The following KIAA1328 variants were observed in gnomAD, a reference collection of about 807,000 sequenced individuals.
KIAA1328 encodes KIAA1328.
KIAA1328 carries 52 observed loss-of-function variants against 68.1 expected under a neutral mutation model. That is an observed-to-expected ratio of 0.76 (90% CI 0.61 to 0.96). KIAA1328 has a LOEUF of 0.96. Among genes scored for constraint, KIAA1328 ranks in the 40% least tolerant of loss-of-function variants. KIAA1328 has a pLI of 0.00. For missense variants in KIAA1328, 641 were observed against 677.6 expected (o/e 0.95, Z 0.60); for synonymous variants, 232 against 239.4 (o/e 0.97, Z 0.28).
intron 5 of KIAA1328, among the ~76,000 whole-genome samples, chr18:36,889,261 G>A (rs2048601103): frequency 6.6e-6 from 1 of 152,132 alleles, no homozygotes; most frequent in African/African-American, 2.4e-5. Flanking sequence ...TGCTTGGCTG[G>A]ATGAGTATGA....
At chr18:37,158,134 G>A (rs749358526) in intron 7 of KIAA1328, among the ~76,000 whole-genome samples, 7 of 151,860 alleles carry the variant, frequency 4.6e-5, no homozygotes, top group Non-Finnish European at 8.8e-5. Flanking sequence ...CTGGGCTCAA[G>A]CTATCCTGCT....
intron 6 of KIAA1328, among the ~76,000 whole-genome samples, chr18:37,030,207 A>G (rs1344504881): frequency 1.3e-5 from 2 of 150,784 alleles, no homozygotes; most frequent in Admixed American, 6.6e-5. Flanking sequence ...CTTCATTCAT[A>G]TTTTTTTCAG....
At chr18:36,996,578 T>C (rs1477197325) in intron 6 of KIAA1328, among the ~76,000 whole-genome samples, 3 of 152,170 alleles carry the variant, frequency 2.0e-5, no homozygotes, top group Non-Finnish European at 4.4e-5. Flanking sequence ...ATAAACATCT[T>C]ACCATCGTTT....
intron 6 of KIAA1328, among the ~76,000 whole-genome samples, chr18:37,008,409 A>G (rs578088487): frequency 1.3e-5 from 2 of 152,362 alleles, no homozygotes; most frequent in African/African-American, 4.8e-5. Context: ...TGCTAAAACA[A>G]CAACAAAATA....
At chr18:36,888,123 G>T (rs1231765414) in intron 5 of KIAA1328, among the ~76,000 whole-genome samples, 1 of 152,146 alleles carries the variant, frequency 6.6e-6, no homozygotes, top group Non-Finnish European at 1.5e-5. Flanking sequence ...ATGATACCTA[G>T]GTGATTGCAG....
intron 6 of KIAA1328, among the ~76,000 whole-genome samples, chr18:37,010,327 C>T (rs1196630813): frequency 1.3e-5 from 2 of 151,094 alleles, no homozygotes; most frequent in Non-Finnish European, 2.9e-5. Flanking sequence ...CCTGTAGTCC[C>T]AGCTACTCGG....
intron 7 of KIAA1328, among the ~76,000 whole-genome samples, chr18:37,133,660 G>A (rs1300486023): frequency 6.6e-6 from 1 of 151,406 alleles, no homozygotes; most frequent in Non-Finnish European, 1.5e-5. Context: ...TGAGCAGCTG[G>A]AACTACAGGT....
At chr18:36,880,201 G>A (rs537117189) in intron 4 of KIAA1328, among the ~76,000 whole-genome samples, 7 of 152,304 alleles carry the variant, frequency 4.6e-5, no homozygotes, top group East Asian at 1.9e-4. Flanking sequence ...TGTGAAGACC[G>A]TTGGATAAGC....
At chr18:36,952,279 G>GTGTGGTT (rs1248569457) in intron 5 of KIAA1328, among the ~76,000 whole-genome samples, 2 of 152,054 alleles carry the variant, frequency 1.3e-5, no homozygotes, top group Admixed American at 1.3e-4. Context: ...CTTCCCTCCA[G>GTGTGGTT]TGTGGTCAAA....
chr18:37,037,673 C>G (rs534195226), intron 6 of KIAA1328, among the ~76,000 whole-genome samples: 103 of 151,456 alleles, frequency 6.8e-4, no homozygotes, highest in Non-Finnish European at 1.1e-3. Context: ...CACCTGAGGT[C>G]AGGAGATCAA....
chr18:37,075,612 G>A (rs934089695), intron 7 of KIAA1328: 1 of 152,048 alleles, frequency 6.6e-6, no homozygotes. Flanking sequence ...GACACACATA[G>A]GCTCAAAATA....
chr18:37,048,346 G>A (rs187779131), intron 6 of KIAA1328, among the ~76,000 whole-genome samples: 1 of 152,176 alleles, frequency 6.6e-6, no homozygotes, highest in Admixed American at 6.5e-5. Flanking sequence ...ATGTAATGCT[G>A]TATGTCTCCA....
intron 6 of KIAA1328, among the ~76,000 whole-genome samples, chr18:36,989,781 G>GC (rs902631581): frequency 2.0e-5 from 3 of 151,774 alleles, no homozygotes; most frequent in African/African-American, 7.3e-5. Context: ...TTCAAGCTCC[G>GC]CCCCCCGGGT....
chr18:36,890,226 C>CTT (rs564856190), intron 5 of KIAA1328, among the ~76,000 whole-genome samples: 81 of 140,318 alleles, frequency 5.8e-4, no homozygotes, highest in African/African-American at 2.0e-3. Context: ...CTTTCTTCTT[C>CTT]TTTTTTTTTT....
chr18:36,859,131 G>T (rs1453886905), intron 4 of KIAA1328, among the ~76,000 whole-genome samples: 1 of 151,972 alleles, frequency 6.6e-6, no homozygotes, highest in Non-Finnish European at 1.5e-5. Context: ...CCATTTGCAT[G>T]CCAATATTAA....
chr18:37,212,560 A>G (rs978618772), intron 9 of KIAA1328, among the ~76,000 whole-genome samples: 1 of 152,338 alleles, frequency 6.6e-6, no homozygotes, highest in East Asian at 1.9e-4. Flanking sequence ...TAAAGCATGA[A>G]GGGTAATAGT....
intron 8 of KIAA1328, among the ~76,000 whole-genome samples, chr18:37,165,811 T>C (rs930136250): frequency 2.0e-5 from 3 of 151,958 alleles, no homozygotes; most frequent in Non-Finnish European, 4.4e-5. Flanking sequence ...CAGGCTGGTC[T>C]CAAACTCCTG....
intron 9 of KIAA1328, among the ~76,000 whole-genome samples, chr18:37,214,073 C>G (rs1331689494): frequency 2.6e-5 from 4 of 152,108 alleles, no homozygotes; most frequent in Non-Finnish European, 5.9e-5. Context: ...GGGTAGATTG[C>G]AAAAATTTTC....
At chr18:36,840,111 A>T (rs1035075783) in intron 3 of KIAA1328, among the ~76,000 whole-genome samples, 1 of 152,086 alleles carries the variant, frequency 6.6e-6, no homozygotes, top group African/African-American at 2.4e-5. Flanking sequence ...CAACTCAGGG[A>T]GATTGCTGGG....
Sources: gnomAD v4.1 joint callset for allele counts (sites outside exome capture counted in the v4.1 genomes callset) on GRCh38, gnomAD v4.1.1 for gene constraint, MANE v1.5 for transcripts, NCBI Gene and HGNC (gene_info 2026-07-23, HGNC 2026-07-21) for gene names.